Variants in PCLO observed in about 807,000 individuals in gnomAD.
PCLO encodes the protein protein piccolo.
PCLO carries 82 observed loss-of-function variants against 427.5 expected under a neutral mutation model. The ratio of observed to expected loss-of-function variants is 0.19; its 90% CI spans 0.16 to 0.23. The LOEUF is 0.23. PCLO is among the 10% of genes least tolerant of loss of function. The pLI is 1.00. For synonymous variants in PCLO, 2,357 were observed against 2,155.4 expected, an observed-to-expected ratio of 1.09 and a Z score of -2.59; for missense variants, 6,239 against 6,115.9, an observed-to-expected ratio of 1.02 and a Z score of -0.67.
intron 4 of PCLO, among the ~76,000 whole-genome samples, chr7:82,958,659 G>A (rs990562580): frequency 6.6e-6 from 1 of 152,110 alleles, no homozygotes; most frequent in Non-Finnish European, 1.5e-5. Flanking sequence ...TAACTATACT[G>A]TACCAATTTG....
chr7:83,140,844 A>T (rs1194331649), intron 2 of PCLO, among the ~76,000 whole-genome samples: 1 of 152,204 alleles, frequency 6.6e-6, no homozygotes, highest in East Asian at 1.9e-4. Flanking sequence ...TTAAACCTTT[A>T]TCTCCAACAC....
At chr7:82,920,698 G>C (rs949415507) in intron 6 of PCLO, among the ~76,000 whole-genome samples, 31 of 151,594 alleles carry the variant, frequency 2.0e-4, no homozygotes, top group African/African-American at 7.3e-4. Context: ...ATATGGCAAA[G>C]GAAATTTTGC....
At chr7:82,937,700 T>A (rs528724879) in intron 6 of PCLO, among the ~76,000 whole-genome samples, 1 of 151,732 alleles carries the variant, frequency 6.6e-6, no homozygotes, top group African/African-American at 2.4e-5. Flanking sequence ...ACCAGCAGGT[T>A]CTATTTCAGT....
chr7:82,927,655 T>C (rs1794743225), intron 6 of PCLO, among the ~76,000 whole-genome samples: 1 of 152,222 alleles, frequency 6.6e-6, no homozygotes, highest in Non-Finnish European at 1.5e-5. Flanking sequence ...TTTCTTCTCA[T>C]CATGGTCTTT....
chr7:83,156,129 T>C lies in PCLO; in HGVS notation c.512A>G (p.Asn171Ser). The C allele has an allele frequency of 6.2e-7, 1 of 1,613,908 alleles. No homozygotes were observed. The highest frequency in any genetic ancestry group is 8.5e-7 in the Non-Finnish European group (1 of 1,179,854). The change falls in exon 2 of 25, where the codon AAT (asparagine) becomes AGT (serine). Residue 171 changes from asparagine to serine, a missense_variant. Transcript: ENST00000333891. ...TATCAAATCAAAAGGGTTGAATTTA[T>C]TTACAACAGAGGAAACAGCACTTAA... ...NALSAVSSVV[N>S]KFNPFDLISD...
chr7:83,078,063 C>A (rs1365014694), intron 3 of PCLO, among the ~76,000 whole-genome samples: 1 of 152,070 alleles, frequency 6.6e-6, no homozygotes, highest in Non-Finnish European at 1.5e-5. Flanking sequence ...AAATATTCTG[C>A]CCTGCCTTCT....
intron 3 of PCLO, among the ~76,000 whole-genome samples, chr7:83,107,329 A>C (rs1045455645): frequency 5.3e-5 from 8 of 152,186 alleles, no homozygotes; most frequent in African/African-American, 1.9e-4. Flanking sequence ...TAAGGAACAA[A>C]AATTAATATT....
At chr7:82,932,346 G>A (rs1794858530) in intron 6 of PCLO, among the ~76,000 whole-genome samples, 1 of 152,096 alleles carries the variant, frequency 6.6e-6, no homozygotes, top group African/African-American at 2.4e-5. Context: ...AAGGTTTGTT[G>A]TGGTAAATCT....
chr7:82,956,815 G>T lies in PCLO; in HGVS notation c.4138C>A (p.Leu1380Ile). 5 of 1,613,328 alleles carry T rather than the reference G, an allele frequency of 3.1e-6. No homozygotes were observed. Among genetic ancestry groups the T allele is most frequent in the Non-Finnish European group, 4.2e-6 (5 of 1,179,332 alleles). ...ISSSLGEIPS[L>I]IPTDEKDILK... ...ATATCCTTTTCATCAGTTGGAATAA[G>T]ACTTGGAATTTCACCAAGTGAGCTT... The change falls in exon 5 of 25, where the codon CTT becomes ATT. Residue 1380 changes from leucine to isoleucine, a missense_variant. By Grantham distance (5) the Leu-to-Ile change is conservative (BLOSUM62 2). Transcript: ENST00000333891.
At chr7:82,944,098 G>A (rs1252869429) in intron 6 of PCLO, among the ~76,000 whole-genome samples, 1 of 119,690 alleles carries the variant, frequency 8.4e-6, no homozygotes, top group Non-Finnish European at 1.6e-5. Context: ...GTGAGATCGT[G>A]TCATTACACT....
intron 4 of PCLO, among the ~76,000 whole-genome samples, chr7:82,960,713 A>T (rs1795638068): frequency 6.6e-6 from 1 of 152,186 alleles, no homozygotes; most frequent in Admixed American, 6.5e-5. Context: ...GGAATGAATG[A>T]AGTAATAAAA....
chr7:82,854,471 C>T (rs1343731867), intron 10 of PCLO, among the ~76,000 whole-genome samples: 2 of 151,970 alleles, frequency 1.3e-5, no homozygotes, highest in Non-Finnish European at 2.9e-5. Context: ...TAATTTTAAA[C>T]TCATTAAAAA....
intron 22 of PCLO, among the ~76,000 whole-genome samples, chr7:82,771,328 A>C (rs914619358): frequency 6.6e-6 from 1 of 151,950 alleles, no homozygotes; most frequent in African/African-American, 2.4e-5. Flanking sequence ...CCTAAGATAG[A>C]ATTTGTTAAG....
At chr7:83,057,317 CATATATATATATATATAT>C (rs1236982874) in intron 3 of PCLO, among the ~76,000 whole-genome samples, 1 of 25,874 alleles carries the variant, frequency 3.9e-5, no homozygotes, top group South Asian at 2.0e-3. Context: ...ATTATATATA[CATATATATATATATATAT>C]ATATATATAT....
intron 7 of PCLO, among the ~76,000 whole-genome samples, chr7:82,909,505 T>A (rs989304884): frequency 6.6e-6 from 1 of 152,014 alleles, no homozygotes. Flanking sequence ...CTGCACATTC[T>A]GCACATGTAT....
Position 82,805,785 on chromosome 7 carries a change from C to G in PCLO, c.14836G>C (p.Gly4946Arg). Residue 4946 changes from glycine to arginine, a missense_variant, in exon 21 of 25, where the codon GGC (glycine) becomes CGC (arginine). Gly to Arg is a moderately radical substitution (Grantham distance 125). Coordinates refer to ENST00000333891, the MANE Select transcript of PCLO (RefSeq NM_033026.6). ...HRPAESSVST[G>R]SSGSSFGSGY... is the part of the protein sequence containing the mutation. ...CTGCCAAAGCTGCTGCCCGAGGAGC[C>G]GGTGGACACAGAGCTTTCTGCAGGC... 1 of 1,609,070 alleles carries G rather than the reference C, an allele frequency of 6.2e-7. No individual in the cohort carries two copies. The highest frequency in any genetic ancestry group is 8.5e-7 in the Non-Finnish European group (1 of 1,177,612).
chr7:83,026,119 G>A (rs1320313241), intron 3 of PCLO, among the ~76,000 whole-genome samples: 11 of 151,920 alleles, frequency 7.2e-5, no homozygotes, highest in Admixed American at 3.3e-4. Context: ...AACTTTAAAT[G>A]TAAATGGACT....
chr7:83,042,132 G>C (rs1032870171), intron 3 of PCLO, among the ~76,000 whole-genome samples: 5 of 151,990 alleles, frequency 3.3e-5, no homozygotes, highest in Non-Finnish European at 7.4e-5. Flanking sequence ...AGGAGTATTA[G>C]ACAAGGTTAA....
At chr7:82,862,146 C>G (rs1206595911) in intron 10 of PCLO, among the ~76,000 whole-genome samples, 1 of 151,636 alleles carries the variant, frequency 6.6e-6, no homozygotes, top group African/African-American at 2.4e-5. Flanking sequence ...GATAAAAATA[C>G]AAAAGCTCAA....
Sources: gnomAD v4.1 joint callset for allele counts (sites outside exome capture counted in the v4.1 genomes callset) on GRCh38, gnomAD v4.1.1 for gene constraint, MANE v1.5 for transcripts, NCBI Gene and HGNC (gene_info 2026-07-23, HGNC 2026-07-21) for gene names.